Variants in C12orf42 observed in about 807,000 individuals in gnomAD.
C12orf42 encodes the protein uncharacterized protein C12orf42.
In C12orf42, 25 loss-of-function variants were observed where a neutral mutation model predicts 21.6. That is an observed-to-expected ratio of 1.16 (90% CI 0.84 to 1.62). C12orf42 has a LOEUF of 1.62. Among genes scored for constraint, C12orf42 ranks in the 40% most tolerant of loss-of-function variants. The pLI, the probability that C12orf42 is intolerant of heterozygous loss-of-function variation, is 0.00. For missense variants in C12orf42, 483 were observed against 459.3 expected (o/e 1.05, Z -0.47); for synonymous variants, 174 against 175.0 (o/e 0.99, Z 0.05).
chr12:103,095,089 G>C, the C12orf42 span, among the ~76,000 whole-genome samples: 1 of 152,128 alleles, frequency 6.6e-6, no homozygotes, highest in East Asian at 1.9e-4. Flanking sequence ...CACCTCTGCT[G>C]CTACTCTGTT....
chr12:103,089,749 C>T, the C12orf42 span, among the ~76,000 whole-genome samples: 1 of 151,856 alleles, frequency 6.6e-6, no homozygotes, highest in Non-Finnish European at 1.5e-5. Flanking sequence ...TGACATTGGT[C>T]AGGAAACTTC....
At chr12:103,478,490 T>A (rs1761135717) in intron 1 of C12orf42, 43 bp from the exon 2 acceptor site, 1 of 952,660 alleles carries the variant, frequency 1.0e-6, no homozygotes, top group East Asian at 2.8e-5. Flanking sequence ...TTTACAATGA[T>A]GCAATGATAA....
intron 3 of C12orf42, among the ~76,000 whole-genome samples, chr12:103,393,937 C>A (rs1039700011): frequency 6.6e-6 from 1 of 152,154 alleles, no homozygotes; most frequent in African/African-American, 2.4e-5. Context: ...CCTAGGGGAA[C>A]CTTCCCCAGG....
At chr12:103,057,821 T>C in the C12orf42 span, among the ~76,000 whole-genome samples, 2 of 152,192 alleles carry the variant, frequency 1.3e-5, no homozygotes, top group African/African-American at 4.8e-5. Flanking sequence ...TCACCAACAG[T>C]GTAAAAGCAT....
At chr12:103,385,897 T>C (rs1429846673) in intron 3 of C12orf42, among the ~76,000 whole-genome samples, 1 of 152,154 alleles carries the variant, frequency 6.6e-6, no homozygotes, top group Non-Finnish European at 1.5e-5. Context: ...TTCACCTACT[T>C]CCCAAACCAG....
chr12:103,361,005 A>T (rs1401298346), intron 4 of C12orf42, among the ~76,000 whole-genome samples: 2 of 152,092 alleles, frequency 1.3e-5, no homozygotes, highest in Admixed American at 1.3e-4. Context: ...ATCTGGGGGA[A>T]AAAAATGTTG....
At chr12:103,363,700 T>A (rs768676838) in intron 4 of C12orf42, among the ~76,000 whole-genome samples, 3 of 152,028 alleles carry the variant, frequency 2.0e-5, no homozygotes, top group Non-Finnish European at 4.4e-5. Flanking sequence ...GCTATTGTTA[T>A]ATCAGACAAA....
the C12orf42 span, among the ~76,000 whole-genome samples, chr12:103,132,515 G>T: frequency 6.6e-6 from 1 of 152,002 alleles, no homozygotes; most frequent in Non-Finnish European, 1.5e-5. Flanking sequence ...ACTCATGCTG[G>T]GTCCCAGACT....
the C12orf42 span, among the ~76,000 whole-genome samples, chr12:103,096,964 T>C: frequency 6.6e-6 from 1 of 152,214 alleles, no homozygotes; most frequent in African/African-American, 2.4e-5. Flanking sequence ...GAATATATTG[T>C]GATGTTGATA....
chr12:103,371,277 A>G (rs1293221911), intron 3 of C12orf42, among the ~76,000 whole-genome samples: 1 of 152,058 alleles, frequency 6.6e-6, no homozygotes, highest in African/African-American at 2.4e-5. Context: ...GGAGGTTCCT[A>G]GGAGGGCACT....
the C12orf42 span, among the ~76,000 whole-genome samples, chr12:103,062,117 C>T: frequency 6.6e-6 from 1 of 151,750 alleles, no homozygotes; most frequent in Non-Finnish European, 1.5e-5. Context: ...TCTTAGTATT[C>T]CATTAGCCAA....
the C12orf42 span, among the ~76,000 whole-genome samples, chr12:103,208,239 A>G: frequency 2.0e-5 from 3 of 152,216 alleles, no homozygotes; most frequent in Non-Finnish European, 4.4e-5. Context: ...GGGCTGGCCC[A>G]TTGAAGATGC....
the C12orf42 span, among the ~76,000 whole-genome samples, chr12:103,052,866 T>C: frequency 6.6e-6 from 1 of 152,074 alleles, no homozygotes; most frequent in South Asian, 2.1e-4. Context: ...TTTTTCCATA[T>C]GGATAATCAG....
At chr12:103,321,019 A>T (rs1289007214) in intron 4 of C12orf42, among the ~76,000 whole-genome samples, 1 of 152,214 alleles carries the variant, frequency 6.6e-6, no homozygotes, top group Non-Finnish European at 1.5e-5. Context: ...CAAATGCATT[A>T]ATACATATAA....
chr12:103,227,041 T>C, the C12orf42 span, among the ~76,000 whole-genome samples: 2 of 152,194 alleles, frequency 1.3e-5, no homozygotes, highest in Non-Finnish European at 2.9e-5. Flanking sequence ...TCAAGCGGCA[T>C]TGCAGAAGAA....
intron 5 of C12orf42, among the ~76,000 whole-genome samples, chr12:103,275,637 C>T (rs947922712): frequency 6.6e-6 from 1 of 151,482 alleles, no homozygotes; most frequent in African/African-American, 2.4e-5. Context: ...ATAGAGAAAA[C>T]TTATAGGCCA....
chr12:103,247,146 C>A (rs1017439629), intron 10 of C12orf42, among the ~76,000 whole-genome samples: 3 of 151,384 alleles, frequency 2.0e-5, no homozygotes, highest in Non-Finnish European at 4.4e-5. Context: ...ATTCTCACTG[C>A]AACAAGTACC....
the C12orf42 span, among the ~76,000 whole-genome samples, chr12:103,219,944 A>G: frequency 6.6e-6 from 1 of 152,234 alleles, no homozygotes; most frequent in Non-Finnish European, 1.5e-5. Context: ...TCATCCTACT[A>G]TAAAGACACA....
chr12:103,392,004 A>G (rs898214277), intron 3 of C12orf42, among the ~76,000 whole-genome samples: 1 of 152,182 alleles, frequency 6.6e-6, no homozygotes, highest in Non-Finnish European at 1.5e-5. Context: ...ATTTTTAAAT[A>G]CAGTGTAAGG....
Sources: gnomAD v4.1 joint callset for allele counts (sites outside exome capture counted in the v4.1 genomes callset) on GRCh38, gnomAD v4.1.1 for gene constraint, MANE v1.5 for transcripts, NCBI Gene and HGNC (gene_info 2026-07-23, HGNC 2026-07-21) for gene names.